Variants in PSD2 observed in about 807,000 individuals in gnomAD.
The protein encoded by PSD2 is pleckstrin and Sec7 domain containing 2.
A neutral mutation model predicts 69.8 loss-of-function variants in PSD2; 38 were observed. The ratio of observed to expected loss-of-function variants is 0.54; its 90% CI spans 0.42 to 0.71. PSD2 has a LOEUF of 0.71. Among genes scored for constraint, PSD2 ranks in the 30% least tolerant of loss-of-function variants. The pLI, the probability that PSD2 is intolerant of heterozygous loss-of-function variation, is 0.00. For synonymous variants in PSD2, 412 were observed against 423.0 expected (o/e 0.97, Z 0.32); for missense variants, 943 against 1,014.5 (o/e 0.93, Z 0.96).
chr5:139,809,431 A>T lies in PSD2; in HGVS notation c.-10A>T. 1 of 1,608,702 alleles carries T rather than the reference A, an allele frequency of 6.2e-7. No homozygotes were observed. Among genetic ancestry groups the T allele is most frequent in the East Asian group, 2.2e-5 (1 of 44,804 alleles). On this transcript the variant is annotated 5_prime_UTR_variant, in exon 2 of 15. Transcript: ENST00000274710. ...AGGAGCAGCCAGGACAGGCGGAAGC[A>T]GTGGCTGCCATGGAGGAGGACAAGC...
the PSD2 span, among the ~76,000 whole-genome samples, chr5:139,759,423 G>T: frequency 6.6e-6 from 1 of 152,108 alleles, no homozygotes; most frequent in African/African-American, 2.4e-5. Context: ...GCGGTCACCC[G>T]TGTCGGGACG....
At chr5:139,744,469 C>T in the PSD2 span, among the ~76,000 whole-genome samples, 1 of 152,200 alleles carries the variant, frequency 6.6e-6, no homozygotes, top group Non-Finnish European at 1.5e-5. Context: ...TGGCTAGCTC[C>T]CCCCATGCCC....
At chr5:139,824,249 C>G (rs1395403312) in intron 7 of PSD2, among the ~76,000 whole-genome samples, 1 of 152,204 alleles carries the variant, frequency 6.6e-6, no homozygotes. Flanking sequence ...CAAGAGCACC[C>G]CGCAGCTTGG....
chr5:139,753,741 C>T, the PSD2 span, among the ~76,000 whole-genome samples: 48 of 152,152 alleles, frequency 3.2e-4, no homozygotes, highest in Non-Finnish European at 6.0e-4. Flanking sequence ...GCTCTCAGGA[C>T]GCCTGCTGCA....
At chr5:139,794,414 G>A (rs1393016403), upstream of PSD2, among the ~76,000 whole-genome samples, 1 of 152,200 alleles carries the variant, frequency 6.6e-6, no homozygotes, top group African/African-American at 2.4e-5. Flanking sequence ...AAGGGAGGGA[G>A]ACTACGCACA....
chr5:139,748,283 T>C, the PSD2 span, among the ~76,000 whole-genome samples: 1 of 148,024 alleles, frequency 6.8e-6, no homozygotes, highest in Non-Finnish European at 1.5e-5. Context: ...CTCAGACAGC[T>C]TCAGCACAAG....
upstream of PSD2, among the ~76,000 whole-genome samples, chr5:139,794,695 G>A (rs1353545953): frequency 6.6e-6 from 1 of 152,208 alleles, no homozygotes; most frequent in East Asian, 1.9e-4. Flanking sequence ...CCAGGGGCTG[G>A]AGTAGGGGAG....
the PSD2 span, among the ~76,000 whole-genome samples, chr5:139,778,415 T>C: frequency 6.6e-6 from 1 of 152,204 alleles, no homozygotes. Flanking sequence ...TCCTTAACTG[T>C]ATAGATAAAG....
At chr5:139,831,411 TTAAG>T (rs769396355) in intron 7 of PSD2, among the ~76,000 whole-genome samples, 2 of 152,238 alleles carry the variant, frequency 1.3e-5, no homozygotes, top group Non-Finnish European at 2.9e-5. Flanking sequence ...ATATTTGAGT[TTAAG>T]TATATCAAGT....
At position 139,839,312 on chromosome 5, in the gene PSD2, A is replaced by G. The variant is rs1300831239; in HGVS notation, c.1968+540A>G. Reference sequence around the variant, plus strand: ...TTCCTCTTTGCCAGCGGCCTTTCCCACTAGGCCTTGTCCCGGGTCACCCCA... The same window carrying G: ...TTCCTCTTTGCCAGCGGCCTTTCCCGCTAGGCCTTGTCCCGGGTCACCCCA... On this transcript the variant is annotated intron_variant, in intron 13 of 14. Transcript: ENST00000274710. The surrounding 1 kb of genome is among the most constrained non-coding windows in gnomAD (Gnocchi z 5.1). Among the ~76,000 whole-genome samples the G allele has an allele frequency of 6.6e-6, 1 of 152,132 alleles. No homozygotes were observed. The highest frequency in any genetic ancestry group is 1.5e-5 in the Non-Finnish European group (1 of 67,996).
intron 2 of PSD2, among the ~76,000 whole-genome samples, chr5:139,811,115 A>G (rs1028492890): frequency 6.6e-6 from 1 of 152,146 alleles, no homozygotes; most frequent in African/African-American, 2.4e-5. Context: ...TGGCCAGGGC[A>G]ACGAACCTTC....
At chr5:139,785,864 A>T in the PSD2 span, among the ~76,000 whole-genome samples, 2 of 152,174 alleles carry the variant, frequency 1.3e-5, no homozygotes, top group African/African-American at 4.8e-5. Flanking sequence ...TGAGGTGGGA[A>T]GATCGCTTGA....
Position 139,837,556 on chromosome 5 carries a change from G to A in PSD2, c.1666-69G>A. On this transcript the variant is annotated intron_variant, in intron 11 of 14. Transcript: ENST00000274710. The surrounding 1 kb of genome is among the most constrained non-coding windows in gnomAD (Gnocchi z 5.0). ...AGGGAGCCGTAGGGTTAGACAGAGA[G>A]CAGTGAGGGGAGGGGAGAGTGGAAG... 1 of 1,465,408 alleles carries A rather than the reference G, an allele frequency of 6.8e-7. No individual in the cohort carries two copies. The highest frequency in any genetic ancestry group is 9.3e-7 in the Non-Finnish European group (1 of 1,075,422). The allele number at this position is 1,465,408 out of a possible 1,614,324, so 90.8% of individuals were successfully genotyped here. A position where few individuals can be genotyped will look rare whatever the true frequency, so the allele number is the denominator to read the frequency against.
upstream of PSD2, among the ~76,000 whole-genome samples, chr5:139,792,712 C>CTTTCT (rs964076459): frequency 5.3e-5 from 8 of 151,906 alleles, no homozygotes; most frequent in Non-Finnish European, 8.8e-5. Flanking sequence ...CTTTCTCTTT[C>CTTTCT]TTTCTTTTCT....
chr5:139,799,213 C>T (rs932302714), intron 1 of PSD2, among the ~76,000 whole-genome samples: 1 of 152,106 alleles, frequency 6.6e-6, no homozygotes, highest in African/African-American at 2.4e-5. Context: ...CAATTCTGTT[C>T]CTCCCCCTTC....
chr5:139,831,645 C>A (rs1436478923), intron 7 of PSD2, among the ~76,000 whole-genome samples: 1 of 152,196 alleles, frequency 6.6e-6, no homozygotes, highest in Non-Finnish European at 1.5e-5. Flanking sequence ...ACTTTAGTTC[C>A]ATTTACTGCT....
chr5:139,766,930 C>CCTTCCTTTCT, the PSD2 span, among the ~76,000 whole-genome samples: 53 of 44,120 alleles, frequency 1.2e-3, 2 homozygotes, highest in African/African-American at 3.9e-3. Flanking sequence ...CCTTCCTTCC[C>CCTTCCTTTCT]TTCTTTCTTT....
chr5:139,749,236 GA>G, the PSD2 span, among the ~76,000 whole-genome samples: 1 of 152,160 alleles, frequency 6.6e-6, no homozygotes, highest in Non-Finnish European at 1.5e-5. Flanking sequence ...TCCCATCTCT[GA>G]AGTTCAGCCC....
chr5:139,762,653 G>A, the PSD2 span, among the ~76,000 whole-genome samples: 1 of 152,126 alleles, frequency 6.6e-6, no homozygotes, highest in Non-Finnish European at 1.5e-5. Context: ...CTTCTAGCTT[G>A]GCCCTAGATG....
Sources: allele counts gnomAD v4.1 joint callset (sites outside exome capture counted in the v4.1 genomes callset), GRCh38; gene constraint gnomAD v4.1.1; non-coding constraint Gnocchi (gnomAD v3.1); transcripts MANE v1.5; gene names NCBI Gene and HGNC (gene_info 2026-07-23, HGNC 2026-07-21).